The following TRDN variants were observed in gnomAD, a reference collection of about 807,000 sequenced individuals.
TRDN encodes the protein triadin in skeletal muscle.
A neutral mutation model predicts 149.7 loss-of-function variants in TRDN; 161 were observed. The ratio of observed to expected loss-of-function variants is 1.08; its 90% CI spans 0.95 to 1.23. The LOEUF (loss-of-function observed/expected upper bound fraction) is 1.23. TRDN is among the 50% of genes most tolerant of loss of function. The pLI is 0.00. For missense variants in TRDN, 896 were observed against 823.5 expected (o/e 1.09, Z -1.08); for synonymous variants, 294 against 250.5 (o/e 1.17, Z -1.64).
rs947096255 is a variant in TRDN at position 123,271,177 on chromosome 6, A to T, written c.1682T>A (p.Val561Asp). The T allele has an allele frequency of 3.9e-6, 6 of 1,540,076 alleles. No individual in the cohort carries two copies. In the African/African-American group the frequency reaches 8.3e-5, roughly 21 times the overall value. ...TGTGACAGCTTTTACCTGCTTGAGA[A>T]CTTTTTCTTCTGTGATAGGAAAAAA... Reference protein sequence around the residue: ...TVSHGKPEEKVLKQVKAVTIE... With the variant: ...TVSHGKPEEKDLKQVKAVTIE... Residue 561 changes from valine (V) to aspartate (D), a missense_variant, in exon 30 of 41, where the codon GTT becomes GAT. Coordinates refer to ENST00000334268, the MANE Select transcript of TRDN (RefSeq NM_006073.4).
chr6:123,503,482 C>T, intron 8 of TRDN: 1 of 985,084 alleles, frequency 1.0e-6, no homozygotes, highest in Non-Finnish European at 1.2e-6. Context: ...TACCTCCAAA[C>T]CCCTTTTAAA....
intron 1 of TRDN, among the ~76,000 whole-genome samples, chr6:123,576,010 G>A (rs1782836664): frequency 6.6e-6 from 1 of 152,110 alleles, no homozygotes; most frequent in Non-Finnish European, 1.5e-5. Context: ...ACCCTGTGAT[G>A]TGGTTTGTGT....
At chr6:123,315,110 A>T (rs1325480786) in intron 24 of TRDN, among the ~76,000 whole-genome samples, 1 of 152,062 alleles carries the variant, frequency 6.6e-6, no homozygotes, top group East Asian at 1.9e-4. Flanking sequence ...TCAGTAAAAT[A>T]AAGCATAAAA....
At chr6:123,331,234 TG>T (rs1268546858) in intron 23 of TRDN, among the ~76,000 whole-genome samples, 1 of 152,068 alleles carries the variant, frequency 6.6e-6, no homozygotes, top group Admixed American at 6.6e-5. Flanking sequence ...CATAATTTGA[TG>T]TATGGCATAT....
intron 4 of TRDN, among the ~76,000 whole-genome samples, chr6:123,537,498 A>G (rs1257972648): frequency 6.6e-6 from 1 of 152,208 alleles, no homozygotes; most frequent in Admixed American, 6.5e-5. Flanking sequence ...GGAACATACA[A>G]TTACTCAAAG....
At chr6:123,306,163 T>A (rs915388824) in intron 24 of TRDN, among the ~76,000 whole-genome samples, 2 of 152,188 alleles carry the variant, frequency 1.3e-5, no homozygotes, top group Admixed American at 1.3e-4. Flanking sequence ...AGATGATTGC[T>A]GATGTCTGCC....
chr6:123,620,538 A>G (rs1785329981), intron 1 of TRDN, among the ~76,000 whole-genome samples: 1 of 151,502 alleles, frequency 6.6e-6, no homozygotes, highest in Non-Finnish European at 1.5e-5. Flanking sequence ...AGTTTTACAA[A>G]TAGAATTTTT....
At position 123,484,407 on chromosome 6, in the gene TRDN, T is replaced by C. The variant is rs1777893253; in HGVS notation, c.853+12786A>G. On this transcript the variant is annotated intron_variant, in intron 9 of 40. Coordinates refer to ENST00000334268, the MANE Select transcript of TRDN (RefSeq NM_006073.4). ...AATATATTCATGTAATTTTCTAGAGTTCTTTTTCAATCTTCACTTGTGCAT... is the reference window on the plus strand; with the variant it reads ...AATATATTCATGTAATTTTCTAGAGCTCTTTTTCAATCTTCACTTGTGCAT... 2.0e-5 allele frequency among the ~76,000 whole-genome samples: 3 copies of C among 152,266 alleles called. No individual in the cohort carries two copies. The South Asian group carries it at 6.2e-4, about 32-fold the overall frequency.
At chr6:123,298,887 GAAAAC>G (rs1562251006) in intron 24 of TRDN, among the ~76,000 whole-genome samples, 1 of 151,956 alleles carries the variant, frequency 6.6e-6, no homozygotes, top group Non-Finnish European at 1.5e-5. Context: ...TGGGATATGT[GAAAAC>G]AAAACATGTA....
chr6:123,378,341 A>G (rs1040588885), intron 16 of TRDN, among the ~76,000 whole-genome samples: 1 of 152,110 alleles, frequency 6.6e-6, no homozygotes, highest in Admixed American at 6.6e-5. Context: ...GTGCAGTGTT[A>G]TAATTCTAGT....
chr6:123,631,967 A>G (rs1786028409), intron 1 of TRDN, among the ~76,000 whole-genome samples: 1 of 152,140 alleles, frequency 6.6e-6, no homozygotes, highest in South Asian at 2.1e-4. Flanking sequence ...CAATACGGTT[A>G]TCCCACTAAA....
chr6:123,432,929 T>A (rs780326912), intron 12 of TRDN, among the ~76,000 whole-genome samples: 11 of 151,966 alleles, frequency 7.2e-5, no homozygotes, highest in Non-Finnish European at 1.2e-4. Flanking sequence ...CAGGTCTTGA[T>A]CCTGGACTGT....
intron 9 of TRDN, among the ~76,000 whole-genome samples, chr6:123,472,601 G>A (rs1777234009): frequency 6.6e-6 from 1 of 152,228 alleles, no homozygotes; most frequent in African/African-American, 2.4e-5. Flanking sequence ...AGGCCTGACT[G>A]CCTCTGTAGG....
chr6:123,346,065 T>C (rs1223123618), intron 21 of TRDN, among the ~76,000 whole-genome samples: 1 of 152,092 alleles, frequency 6.6e-6, no homozygotes, highest in Admixed American at 6.6e-5. Flanking sequence ...AGTATGATGT[T>C]GATGAAGGGG....
intron 1 of TRDN, among the ~76,000 whole-genome samples, chr6:123,575,524 CT>C (rs1782809544): frequency 2.0e-5 from 3 of 152,036 alleles, no homozygotes; most frequent in Admixed American, 2.0e-4. Flanking sequence ...TGGGCTATGC[CT>C]CTTGAAAGTT....
chr6:123,605,225 T>C (rs1562421629), intron 1 of TRDN, among the ~76,000 whole-genome samples: 1 of 147,100 alleles, frequency 6.8e-6, no homozygotes, highest in African/African-American at 2.5e-5. Flanking sequence ...TAATAATTAT[T>C]TAATAATTAT....
At chr6:123,528,032 C>T (rs1583192945) in intron 5 of TRDN, among the ~76,000 whole-genome samples, 1 of 151,970 alleles carries the variant, frequency 6.6e-6, no homozygotes, top group African/African-American at 2.4e-5. Flanking sequence ...TAAACTGCTG[C>T]ATTCTTCCCT....
chr6:123,271,458 T>C (rs1777204555), intron 29 of TRDN, among the ~76,000 whole-genome samples: 1 of 151,948 alleles, frequency 6.6e-6, no homozygotes, highest in African/African-American at 2.4e-5. Context: ...TTTTTTGCCT[T>C]CACTGTATTT....
At chr6:123,446,616 C>G (rs1019356285) in intron 10 of TRDN, among the ~76,000 whole-genome samples, 2 of 143,320 alleles carry the variant, frequency 1.4e-5, no homozygotes, top group Admixed American at 1.4e-4. Flanking sequence ...AAAAGAAGAG[C>G]TAGGCCTAGT....
Sources: gnomAD v4.1 joint callset for allele counts (sites outside exome capture counted in the v4.1 genomes callset) on GRCh38, gnomAD v4.1.1 for gene constraint, MANE v1.5 for transcripts, NCBI Gene and HGNC (gene_info 2026-07-23, HGNC 2026-07-21) for gene names.